Variants in MBNL1 observed in about 807,000 individuals in gnomAD.
MBNL1 encodes the protein muscleblind like splicing regulator 1.
In MBNL1, 8 loss-of-function variants were observed where a neutral mutation model predicts 42.2. That is an observed-to-expected ratio of 0.19 (90% confidence interval 0.11 to 0.34). The LOEUF (loss-of-function observed/expected upper bound fraction) is 0.34. Ranked by LOEUF, MBNL1 falls within the 10% of genes least tolerant of loss-of-function variation. The pLI is 1.00. For missense variants in MBNL1, 309 were observed against 495.3 expected (o/e 0.62, Z 3.57); for synonymous variants, 169 against 173.9 (o/e 0.97, Z 0.22).
At chr3:152,450,316 A>T (rs1719983379) in intron 6 of MBNL1, among the ~76,000 whole-genome samples, 1 of 152,156 alleles carries the variant, frequency 6.6e-6, no homozygotes, top group South Asian at 2.1e-4. Flanking sequence ...TGATTATTTT[A>T]AAATATTTTC....
intron 2 of MBNL1, among the ~76,000 whole-genome samples, chr3:152,349,049 G>GA (rs1364312012): frequency 6.6e-6 from 1 of 152,048 alleles, no homozygotes. Context: ...AACTGAGGTG[G>GA]AATTTGAAGA....
At position 152,342,553 on chromosome 3, in the gene MBNL1, A is replaced by AACACACACACACACAC. The variant is rs111644138; in HGVS notation, c.174+42205_174+42220dup. 5.2e-3 allele frequency among the ~76,000 whole-genome samples: 759 copies of AACACACACACACACAC among 146,092 alleles called. 7 individuals carry two copies. Among genetic ancestry groups the AACACACACACACACAC allele is most frequent in the African/African-American group, 0.017 (674 of 38,952 alleles). ...TCTGTCTTACTGGGAAACTAAACAA[A>AACACACACACACACAC]ACACACACACACACACACACACACA... On this transcript the variant is annotated intron_variant, in intron 2 of 9. Coordinates refer to ENST00000324210, the MANE Select transcript of MBNL1 (RefSeq NM_021038.5).
intron 2 of MBNL1, among the ~76,000 whole-genome samples, chr3:152,350,125 G>A (rs2094787715): frequency 6.6e-6 from 1 of 152,066 alleles, no homozygotes; most frequent in African/African-American, 2.4e-5. Context: ...AGAAAGGAGG[G>A]AAATCAAAAG....
chr3:152,409,494 A>T (rs1395085502), intron 2 of MBNL1, among the ~76,000 whole-genome samples: 1 of 152,148 alleles, frequency 6.6e-6, no homozygotes, highest in Non-Finnish European at 1.5e-5. Context: ...AGAATTTTCA[A>T]TAGCTAACTA....
At chr3:152,365,749 T>C (rs1243030733) in intron 2 of MBNL1, among the ~76,000 whole-genome samples, 2 of 152,150 alleles carry the variant, frequency 1.3e-5, no homozygotes, top group East Asian at 3.9e-4. Flanking sequence ...ATTAAACATC[T>C]GTTAAAAGGC....
At chr3:152,268,863 G>A (rs1286216398), upstream of MBNL1, 2 of 453,644 alleles carry the variant, frequency 4.4e-6, no homozygotes, top group South Asian at 1.6e-5. Context: ...GCGGGCGGGG[G>A]AGGGGCCGCG....
At chr3:152,350,413 G>A (rs778140348) in intron 2 of MBNL1, among the ~76,000 whole-genome samples, 125 of 152,196 alleles carry the variant, frequency 8.2e-4, no homozygotes, top group Non-Finnish European at 1.5e-3. Flanking sequence ...CTCAACACAT[G>A]TAGACAACTC....
At chr3:152,452,886 C>G (rs1006618497) in intron 6 of MBNL1, among the ~76,000 whole-genome samples, 16 of 152,006 alleles carry the variant, frequency 1.1e-4, no homozygotes, top group African/African-American at 3.9e-4. Flanking sequence ...ACAACTCTAC[C>G]AAGAATAAGG....
chr3:152,407,828 A>C (rs1286720944), intron 2 of MBNL1, among the ~76,000 whole-genome samples: 1 of 152,150 alleles, frequency 6.6e-6, no homozygotes, highest in Non-Finnish European at 1.5e-5. Flanking sequence ...CATCCTTTGC[A>C]GGGACATGAA....
At position 152,279,885 on chromosome 3, in the gene MBNL1, T is replaced by A. The variant is rs567579416; in HGVS notation, c.-790+10793T>A. The stretch of plus-strand genomic sequence containing the variant: ...CATCAGTCTCTGCTCTCTGTAACTT[T>A]ACATGTGATGTAGCCTGTGACTTTA... On this transcript the variant is annotated intron_variant, in intron 1 of 9. Coordinates refer to ENST00000324210, the MANE Select transcript of MBNL1 (RefSeq NM_021038.5). Among the ~76,000 whole-genome samples the A allele has an allele frequency of 2.9e-4, 44 of 152,324 alleles. 1 individual carries two copies. The South Asian group carries it at 8.7e-3, about 30-fold the overall frequency.
intron 2 of MBNL1, among the ~76,000 whole-genome samples, chr3:152,349,754 TTGTC>T (rs908210457): frequency 5.2e-5 from 7 of 133,376 alleles, no homozygotes; most frequent in Admixed American, 2.3e-4. Flanking sequence ...GCACAGTAAA[TTGTC>T]TGTGTGTGTG....
At chr3:152,441,827 C>T (rs1317277999) in intron 4 of MBNL1, among the ~76,000 whole-genome samples, 1 of 152,180 alleles carries the variant, frequency 6.6e-6, no homozygotes, top group Admixed American at 6.5e-5. Context: ...GAGTCTTGCT[C>T]TGTTGCCCAG....
At chr3:152,420,924 A>G (rs770634280) in intron 3 of MBNL1, among the ~76,000 whole-genome samples, 1 of 152,204 alleles carries the variant, frequency 6.6e-6, no homozygotes, top group African/African-American at 2.4e-5. Flanking sequence ...AAGAGCATAA[A>G]TGACCTGATG....
chr3:152,329,673 T>TTA (rs927638336), intron 2 of MBNL1, among the ~76,000 whole-genome samples: 10 of 120,108 alleles, frequency 8.3e-5, no homozygotes, highest in East Asian at 2.9e-4. Context: ...ATATTTTATC[T>TTA]TATATATATA....
rs149286022 is a variant in MBNL1, at chr3:152,391,972, T to C, written c.175-22969T>C. Among the ~76,000 whole-genome samples, 1,091 of 152,318 alleles carry C rather than the reference T, an allele frequency of 7.2e-3. 15 individuals carry two copies. The highest frequency in any genetic ancestry group is 0.025 in the African/African-American group (1,031 of 41,566). ...TTGCAGGGAATTGGTAGTAAAGTAT[T>C]GGCACTTTCTTTGTTTCTATAATAT... On this transcript the variant is annotated intron_variant, in intron 2 of 9. Transcript: ENST00000324210.
At chr3:152,414,813 T>C in intron 2 of MBNL1, 128 bp from the exon 3 acceptor site, 1 of 789,836 alleles carries the variant, frequency 1.3e-6, no homozygotes, top group Non-Finnish European at 2.0e-6. Context: ...TATGATCAAA[T>C]GATATGGACA....
At chr3:152,437,985 G>T (rs1197988902) in intron 4 of MBNL1, among the ~76,000 whole-genome samples, 1 of 152,034 alleles carries the variant, frequency 6.6e-6, no homozygotes, top group African/African-American at 2.4e-5. Flanking sequence ...TGTTTGCCAG[G>T]CTGGTCTCAG....
intron 1 of MBNL1, among the ~76,000 whole-genome samples, chr3:152,283,020 T>C (rs1364496840): frequency 6.6e-6 from 1 of 152,160 alleles, no homozygotes; most frequent in Admixed American, 6.5e-5. Context: ...TTGGAAGCCT[T>C]GTAAGTTTCA....
intron 2 of MBNL1, among the ~76,000 whole-genome samples, chr3:152,394,606 C>T (rs2097851894): frequency 6.6e-6 from 1 of 152,196 alleles, no homozygotes; most frequent in Non-Finnish European, 1.5e-5. Flanking sequence ...CACTCTGTGG[C>T]ACACTCTAAG....
Sources: gnomAD v4.1 joint callset for allele counts (sites outside exome capture counted in the v4.1 genomes callset) on GRCh38, gnomAD v4.1.1 for gene constraint, MANE v1.5 for transcripts, NCBI Gene and HGNC (gene_info 2026-07-23, HGNC 2026-07-21) for gene names.